The following TMEM132C variants were observed in gnomAD, a reference collection of about 807,000 sequenced individuals.
TMEM132C encodes protein phosphatase 1, regulatory subunit 152.
A neutral mutation model predicts 61.4 loss-of-function variants in TMEM132C; 29 were observed. The observed-to-expected ratio is 0.47, with a 90% CI of 0.35 to 0.64. The LOEUF (loss-of-function observed/expected upper bound fraction) is 0.64. Ranked by LOEUF, TMEM132C falls within the 30% of genes least tolerant of loss-of-function variation. The pLI, the probability that TMEM132C is intolerant of heterozygous loss-of-function variation, is 0.00. For missense variants in TMEM132C, 1,408 were observed against 1,476.9 expected (o/e 0.95, Z 0.76); for synonymous variants, 656 against 633.1 (o/e 1.04, Z -0.54).
chr12:128,554,365 G>A (rs1874267004), intron 3 of TMEM132C, among the ~76,000 whole-genome samples: 1 of 152,180 alleles, frequency 6.6e-6, no homozygotes, highest in South Asian at 2.1e-4. Flanking sequence ...CATTCTTTAG[G>A]CTCTAGAGCC....
chr12:128,282,743 C>G (rs754094828), intron 1 of TMEM132C, among the ~76,000 whole-genome samples: 3 of 152,146 alleles, frequency 2.0e-5, no homozygotes, highest in Non-Finnish European at 4.4e-5. Flanking sequence ...TCAGTCTTCC[C>G]TTGAATTTCA....
rs927061227 is a variant in TMEM132C at position 128,426,463 on chromosome 12, C to T, written c.974+10843C>T. Among the ~76,000 whole-genome samples, 5 of 152,274 alleles carry T rather than the reference C, an allele frequency of 3.3e-5. No homozygotes were observed. In the South Asian group the frequency reaches 6.2e-4, roughly 19 times the overall value. On this transcript the variant is annotated intron_variant, in intron 2 of 8. Transcript: ENST00000435159. ...CATTAGCAGAAGAGACCCTAAAACA[C>T]GACCAAGTTTGCATTGACTGCAGAT...
rs569606212 is a variant in TMEM132C at position 128,359,638 on chromosome 12, A to G, written c.86-55094A>G. Among the ~76,000 whole-genome samples, 10 of 152,344 alleles carry G rather than the reference A, an allele frequency of 6.6e-5. No individual in the cohort carries two copies. The East Asian group carries it at 1.7e-3, about 26-fold the overall frequency. ...CTAAAATCAGACAAACACCAAGATT[A>G]TTACTTCTGTTTGTATTCTCTGAGG... On this transcript the variant is annotated intron_variant, in intron 1 of 8. Transcript: ENST00000435159.
chr12:128,419,417 G>A (rs1309263242), intron 2 of TMEM132C, among the ~76,000 whole-genome samples: 1 of 152,162 alleles, frequency 6.6e-6, no homozygotes, highest in Admixed American at 6.5e-5. Context: ...TCACAGCTGT[G>A]TACAAGAGAT....
At chr12:128,649,335 G>T (rs1260140264) in intron 4 of TMEM132C, among the ~76,000 whole-genome samples, 1 of 152,226 alleles carries the variant, frequency 6.6e-6, no homozygotes, top group East Asian at 1.9e-4. Flanking sequence ...GAGGGAGGAA[G>T]CAGAGAGCTG....
intron 2 of TMEM132C, among the ~76,000 whole-genome samples, chr12:128,505,498 T>C (rs1168576210): frequency 1.3e-5 from 2 of 152,042 alleles, no homozygotes; most frequent in Non-Finnish European, 2.9e-5. Flanking sequence ...CGGGATGAAA[T>C]TGGGGCCCTG....
chr12:128,434,810 C>T (rs368822874), intron 2 of TMEM132C, among the ~76,000 whole-genome samples: 30 of 150,244 alleles, frequency 2.0e-4, no homozygotes, highest in East Asian at 1.2e-3. Flanking sequence ...TTAGTAGAGA[C>T]GGGGTTTCAC....
chr12:128,516,991 G>T (rs1182454826), intron 2 of TMEM132C, among the ~76,000 whole-genome samples: 4 of 151,534 alleles, frequency 2.6e-5, no homozygotes, highest in Non-Finnish European at 5.9e-5. Context: ...GGAGGCTGAG[G>T]CAGGCGGATC....
At chr12:128,635,657 C>G (rs1474089364) in intron 4 of TMEM132C, among the ~76,000 whole-genome samples, 1 of 152,098 alleles carries the variant, frequency 6.6e-6, no homozygotes. Context: ...TCTCCATTGT[C>G]TAAAAGCAAC....
chr12:128,397,846 A>T (rs183324110), intron 1 of TMEM132C, among the ~76,000 whole-genome samples: 26 of 152,118 alleles, frequency 1.7e-4, no homozygotes, highest in Admixed American at 1.3e-4. Context: ...CCCTATTGCG[A>T]CTGGCCACCT....
At chr12:128,578,532 C>T (rs532799938) in intron 3 of TMEM132C, among the ~76,000 whole-genome samples, 20 of 152,300 alleles carry the variant, frequency 1.3e-4, no homozygotes, top group African/African-American at 4.6e-4. Flanking sequence ...AAATGACTTT[C>T]CAAGTAGATC....
At chr12:128,267,759 AG>A (rs1870360811) in intron 1 of TMEM132C, among the ~76,000 whole-genome samples, 1 of 151,924 alleles carries the variant, frequency 6.6e-6, no homozygotes, top group Non-Finnish European at 1.5e-5. Context: ...GCGGATGAGG[AG>A]GGGGCGTGGC....
chr12:128,335,567 C>A (rs1872771159), intron 1 of TMEM132C, among the ~76,000 whole-genome samples: 1 of 152,178 alleles, frequency 6.6e-6, no homozygotes, highest in Non-Finnish European at 1.5e-5. Context: ...GCCTGAATAA[C>A]CTCTTTTGAT....
rs1565988977 is a variant in TMEM132C at position 128,605,130 on chromosome 12, G to GATAC, written c.1122-11019_1122-11018insCATA. On this transcript the variant is annotated intron_variant, in intron 3 of 8. Transcript: ENST00000435159. The stretch of plus-strand genomic sequence containing the variant: ...CAGATAAATGATAGATAGATAGATA[G>GATAC]ATAGATACATAGATACATAGATACA... 1.8e-4 allele frequency among the ~76,000 whole-genome samples: 27 copies of GATAC among 149,744 alleles called. 1 individual carries two copies. Among genetic ancestry groups the GATAC allele is most frequent in the African/African-American group, 5.9e-4 (23 of 39,250 alleles).
intron 2 of TMEM132C, among the ~76,000 whole-genome samples, chr12:128,479,282 G>T (rs950253145): frequency 5.3e-5 from 8 of 152,074 alleles, no homozygotes; most frequent in African/African-American, 1.4e-4. Flanking sequence ...CCTGGGTGAT[G>T]AAATATTCTG....
chr12:128,559,061 C>T (rs562786863), intron 3 of TMEM132C, among the ~76,000 whole-genome samples: 1 of 151,750 alleles, frequency 6.6e-6, no homozygotes, highest in African/African-American at 2.4e-5. Flanking sequence ...TGCAGTTTAA[C>T]ACATACCTTT....
intron 2 of TMEM132C, among the ~76,000 whole-genome samples, chr12:128,469,014 A>G (rs1454000965): frequency 6.6e-6 from 1 of 152,214 alleles, no homozygotes; most frequent in Non-Finnish European, 1.5e-5. Context: ...TAGGTGTTAG[A>G]AACACAAAGA....
intron 2 of TMEM132C, among the ~76,000 whole-genome samples, chr12:128,477,741 G>A (rs186627471): frequency 8.8e-4 from 134 of 152,190 alleles, no homozygotes; most frequent in African/African-American, 2.9e-3. Flanking sequence ...CGTCACACCC[G>A]GCTAATTTTT....
chr12:128,502,572 C>G (rs764315797), intron 2 of TMEM132C, among the ~76,000 whole-genome samples: 1 of 151,672 alleles, frequency 6.6e-6, no homozygotes, highest in Non-Finnish European at 1.5e-5. Flanking sequence ...TGCAGCCAGC[C>G]CCCTGGGCCA....
Sources: gnomAD v4.1 joint callset for allele counts (sites outside exome capture counted in the v4.1 genomes callset) on GRCh38, gnomAD v4.1.1 for gene constraint, MANE v1.5 for transcripts, NCBI Gene and HGNC (gene_info 2026-07-23, HGNC 2026-07-21) for gene names.